Variants in AATF observed in about 807,000 individuals in gnomAD.
The protein encoded by AATF is protein AATF.
A neutral mutation model predicts 63.7 loss-of-function variants in AATF; 48 were observed. The ratio of observed to expected loss-of-function variants is 0.75; its 90% CI spans 0.60 to 0.96. The LOEUF is 0.96. Ranked by LOEUF, AATF falls within the 40% of genes least tolerant of loss-of-function variation. The pLI is 0.00. For synonymous variants in AATF, 258 were observed against 247.7 expected (o/e 1.04, Z -0.39); for missense variants, 639 against 685.7 (o/e 0.93, Z 0.76).
chr17:36,958,236 C>T (rs2070918223), intron 4 of AATF, among the ~76,000 whole-genome samples: 1 of 151,902 alleles, frequency 6.6e-6, no homozygotes, highest in African/African-American at 2.4e-5. Context: ...GATCTCAACT[C>T]ACTGCAACTT....
At chr17:36,966,537 G>A (rs1159019813) in intron 4 of AATF, among the ~76,000 whole-genome samples, 1 of 152,090 alleles carries the variant, frequency 6.6e-6, no homozygotes, top group African/African-American at 2.4e-5. Context: ...CAAAATGCTG[G>A]GATTACAGGT....
chr17:36,963,534 A>G (rs2070965790), intron 4 of AATF, among the ~76,000 whole-genome samples: 1 of 152,308 alleles, frequency 6.6e-6, no homozygotes, highest in South Asian at 2.1e-4. Context: ...TTAGAACCCA[A>G]CTGCTGCATA....
intron 2 of AATF, among the ~76,000 whole-genome samples, 184 bp downstream of exon 2, chr17:36,950,589 T>C (rs2070847560): frequency 6.6e-6 from 1 of 152,134 alleles, no homozygotes; most frequent in Non-Finnish European, 1.5e-5. Flanking sequence ...AACCTCCACC[T>C]CTGGAGTTCA....
chr17:36,989,347 A>T lies in AATF; in HGVS notation c.1250A>T (p.Tyr417Phe). The stretch of plus-strand genomic sequence containing the variant: ...AGGACACAGACCAAGCGCTCTGTCT[A>T]TCGAGTTCTTGGCAAACCTGAGCCA... Reference protein sequence around the residue: ...LRRTQTKRSVYRVLGKPEPAA... With the variant: ...LRRTQTKRSVFRVLGKPEPAA... Residue 417 changes from tyrosine to phenylalanine, a missense_variant, in exon 7 of 12, where the codon TAT (tyrosine) becomes TTT (phenylalanine). Transcript: ENST00000619387. 1 of 1,614,120 alleles carries T rather than the reference A, an allele frequency of 6.2e-7. No individual in the cohort carries two copies. Among genetic ancestry groups the T allele is most frequent in the Non-Finnish European group, 8.5e-7 (1 of 1,179,996 alleles).
intron 10 of AATF, among the ~76,000 whole-genome samples, chr17:37,025,271 T>C (rs747309233): frequency 1.1e-4 from 16 of 152,196 alleles, no homozygotes; most frequent in Non-Finnish European, 1.6e-4. Flanking sequence ...TGTTGAAGTT[T>C]GACACAACCT....
intron 8 of AATF, among the ~76,000 whole-genome samples, chr17:37,009,823 C>CA (rs1160362372): frequency 0.076 from 2,166 of 28,624 alleles, 367 homozygotes; most frequent in Admixed American, 0.11. Context: ...GACTCCGTCT[C>CA]AAAAAAAAAA....
intron 4 of AATF, among the ~76,000 whole-genome samples, chr17:36,986,302 GA>G (rs2071168287): frequency 6.6e-6 from 1 of 152,220 alleles, no homozygotes; most frequent in South Asian, 2.1e-4. Context: ...GTTATAATGA[GA>G]GGCCGGGGAG....
intron 8 of AATF, among the ~76,000 whole-genome samples, chr17:36,992,654 G>C (rs2071224943): frequency 7.1e-6 from 1 of 139,904 alleles, no homozygotes; most frequent in Non-Finnish European, 1.5e-5. Flanking sequence ...TGTTTAAAAA[G>C]AAATAGCATT....
intron 8 of AATF, among the ~76,000 whole-genome samples, chr17:37,003,960 C>T (rs576819742): frequency 1.3e-5 from 2 of 152,148 alleles, no homozygotes; most frequent in South Asian, 4.1e-4. Context: ...AAAAAATTAG[C>T]AGGGCATGGT....
chr17:37,016,362 A>T (rs1234310325), intron 8 of AATF, among the ~76,000 whole-genome samples: 1 of 152,200 alleles, frequency 6.6e-6, no homozygotes, highest in Non-Finnish European at 1.5e-5. Flanking sequence ...TAGTACTATT[A>T]GTCCTGTTCC....
chr17:36,991,687 G>A (rs1361059052), intron 8 of AATF, among the ~76,000 whole-genome samples: 2 of 149,624 alleles, frequency 1.3e-5, no homozygotes, highest in South Asian at 2.1e-4. Context: ...CTGGGTTCAC[G>A]CCATTCTCCT....
intron 10 of AATF, among the ~76,000 whole-genome samples, chr17:37,025,665 C>A (rs563228314): frequency 6.6e-6 from 1 of 152,256 alleles, no homozygotes; most frequent in Admixed American, 6.5e-5. Flanking sequence ...CCAGAAACTG[C>A]AAACTAAAAC....
chr17:36,950,332 G>A lies in AATF; in HGVS notation c.210G>A (p.Arg70=), dbSNP rs1181647261. 6.2e-7 allele frequency: 1 copy of A among 1,614,172 alleles called. No homozygotes were observed. Among genetic ancestry groups the A allele is most frequent in the Non-Finnish European group, 8.5e-7 (1 of 1,180,028 alleles). Residue 70 remains arginine, a synonymous_variant, in exon 2 of 12, where the codon AGG becomes AGA. Transcript: ENST00000619387. ...CCTCCCTCTTGGACACGGACAAAAGGTATTGCGGCAAAACCACCTCTAGAA... is the reference window on the plus strand; with the variant it reads ...CCTCCCTCTTGGACACGGACAAAAGATATTGCGGCAAAACCACCTCTAGAA... ...ASASLLDTDK[R]YCGKTTSRKA...
intron 8 of AATF, among the ~76,000 whole-genome samples, chr17:37,008,235 C>T (rs545262196): frequency 6.6e-6 from 1 of 152,226 alleles, no homozygotes; most frequent in East Asian, 1.9e-4. Context: ...TGAATACTTA[C>T]GTTTTGCTGA....
intron 11 of AATF, 134 bp from the exon 12 acceptor site, chr17:37,056,467 G>C (rs2071798884): frequency 7.6e-6 from 6 of 794,244 alleles, no homozygotes; most frequent in African/African-American, 1.7e-5. Flanking sequence ...TAAGAGCTGT[G>C]GGGTGCATTT....
chr17:37,021,006 G>A lies in AATF; in HGVS notation c.1539G>A (p.Arg513=). 2 of 1,610,248 alleles carry A rather than the reference G, an allele frequency of 1.2e-6. No individual in the cohort carries two copies. Among genetic ancestry groups the A allele is most frequent in the Non-Finnish European group, 1.7e-6 (2 of 1,178,048 alleles). ...KKVDRKASKG[R]KLRFHVLSKL... is the part of the protein sequence containing the mutation. ...TAGATAGGAAAGCCAGCAAAGGCAG[G>A]AAACTTCGGTGAGTTACTTTTCGGA... Residue 513 remains arginine, a synonymous_variant, in exon 10 of 12, where the codon AGG becomes AGA. Transcript: ENST00000619387.
chr17:36,990,323 A>G (rs1023223837), intron 7 of AATF, among the ~76,000 whole-genome samples: 1 of 152,200 alleles, frequency 6.6e-6, no homozygotes, highest in Non-Finnish European at 1.5e-5. Context: ...AATGGATATT[A>G]TGTTGTCTCC....
At position 36,949,087 on chromosome 17, in the gene AATF, T is replaced by G; in HGVS notation, c.-39T>G. The G allele has an allele frequency of 6.6e-7, 1 of 1,514,906 alleles. No homozygotes were observed. The highest frequency in any genetic ancestry group is 9.0e-7 in the Non-Finnish European group (1 of 1,115,032). 93.8% of individuals were successfully genotyped at this position (1,514,906 alleles called of 1,614,324 possible). A position where few individuals can be genotyped will look rare whatever the true frequency, so the allele number is the denominator to read the frequency against. On this transcript the variant is annotated 5_prime_UTR_variant, in exon 1 of 12. It adds an upstream start codon to the 5' untranslated region. Transcript: ENST00000619387. ...CGGGGCCGGGGGTTGGGCCGCACAT[T>G]TACGTGCGCGAAGCGGAGTGGACCG...
At chr17:37,004,087 T>G (rs533124535) in intron 8 of AATF, among the ~76,000 whole-genome samples, 315 of 151,486 alleles carry the variant, frequency 2.1e-3, no homozygotes, top group African/African-American at 7.3e-3. Flanking sequence ...CCTAGCACTT[T>G]GGGAGGCCGA....
Sources: allele counts gnomAD v4.1 joint callset (sites outside exome capture counted in the v4.1 genomes callset), GRCh38; gene constraint gnomAD v4.1.1; transcripts MANE v1.5; gene names NCBI Gene and HGNC (gene_info 2026-07-23, HGNC 2026-07-21).